The following BTD variants were observed in gnomAD, a reference collection of about 807,000 sequenced individuals.
BTD encodes biocytinase.
BTD carries 13 observed loss-of-function variants against 17.7 expected under a neutral mutation model. The ratio of observed to expected loss-of-function variants is 0.74; its 90% confidence interval spans 0.48 to 1.17. The LOEUF is 1.17. BTD is among the 50% of genes most tolerant of loss of function. The pLI, the probability that BTD is intolerant of heterozygous loss-of-function variation, is 0.00. For missense variants in BTD, 674 were observed against 650.4 expected, an observed-to-expected ratio of 1.04 and a Z score of -0.39; for synonymous variants, 240 against 245.2, an observed-to-expected ratio of 0.98 and a Z score of 0.20.
In BTD at chr3:15,611,805, AT is replaced by A. The variant is rs532509214; in HGVS notation, c.-17+9919del. Among the ~76,000 whole-genome samples, 801 of 151,402 alleles carry A rather than the reference AT, an allele frequency of 5.3e-3. 7 individuals carry two copies. Among genetic ancestry groups the A allele is most frequent in the Non-Finnish European group, 8.2e-3 (555 of 67,822 alleles). On this transcript the variant is annotated intron_variant, in intron 1 of 3. Transcript: ENST00000643237. ...AAAAAAAAGAAAAAACAAATAATGTATTTTTTTTCTAGGAAACTACTCGTCT... is the reference window on the plus strand; with the variant it reads ...AAAAAAAAGAAAAAACAAATAATGTATTTTTTTCTAGGAAACTACTCGTCT...
rs868088440 is a variant in BTD, at chr3:15,650,728, G to C, written c.*5240G>C. ...TGAACAACCTGGGCTCTTGCTTAGG[G>C]CACGTGCCCATCCTGAATCAATGAT... On this transcript the variant is annotated 3_prime_UTR_variant, in exon 4 of 4. Coordinates refer to ENST00000643237, the MANE Select transcript of BTD (RefSeq NM_001370658.1). Among the ~76,000 whole-genome samples, 1 of 152,186 alleles carries C rather than the reference G, an allele frequency of 6.6e-6. No individual in the cohort carries two copies. Among genetic ancestry groups the C allele is most frequent in the South Asian group, 2.1e-4 (1 of 4,832 alleles).
intron 3 of BTD, among the ~76,000 whole-genome samples, chr3:15,706,657 A>G (rs2071474805): frequency 6.6e-6 from 1 of 152,168 alleles, no homozygotes; most frequent in Non-Finnish European, 1.5e-5. Context: ...TCCTTGATGA[A>G]TCGCCACACT....
At position 15,650,754 on chromosome 3, in the gene BTD, C is replaced by T. The variant is rs1039606893; in HGVS notation, c.*5266C>T. Among the ~76,000 whole-genome samples, 3 of 152,168 alleles carry T rather than the reference C, an allele frequency of 2.0e-5. No individual in the cohort carries two copies. The highest frequency in any genetic ancestry group is 4.8e-5 in the African/African-American group (2 of 41,448). On this transcript the variant is annotated 3_prime_UTR_variant, in exon 4 of 4. Coordinates refer to ENST00000643237, the MANE Select transcript of BTD (RefSeq NM_001370658.1). ...CACGTGCCCATCCTGAATCAATGATCGGCCAGAGAGCTGTGATATTCTTTT... is the reference window on the plus strand; with the variant it reads ...CACGTGCCCATCCTGAATCAATGATTGGCCAGAGAGCTGTGATATTCTTTT...
intron 1 of BTD, among the ~76,000 whole-genome samples, chr3:15,629,386 C>T (rs1173130655): frequency 5.9e-5 from 9 of 152,204 alleles, no homozygotes; most frequent in African/African-American, 1.9e-4. Flanking sequence ...TCTGTGTGTT[C>T]AAGCCTTCAG....
At chr3:15,709,843 G>A (rs2071982120) in intron 3 of BTD, 2 of 627,258 alleles carry the variant, frequency 3.2e-6, no homozygotes, top group South Asian at 2.5e-5. Context: ...AGATAAATGT[G>A]ACAAAAATGA....
In BTD at chr3:15,601,821, C is replaced by G; in HGVS notation, c.-90C>G. ...TCGCCATTGTCTCCGAGTCGGCCAG[C>G]TGGAGCGTTTTCGGGGCTGTAAAGG... On this transcript the variant is annotated 5_prime_UTR_variant, in exon 1 of 4. Coordinates refer to ENST00000643237, the MANE Select transcript of BTD (RefSeq NM_001370658.1). The G allele has an allele frequency of 6.2e-7, 1 of 1,614,166 alleles. No homozygotes were observed. The highest frequency in any genetic ancestry group is 8.5e-7 in the Non-Finnish European group (1 of 1,180,030).
chr3:15,677,365 C>A (rs192639139), intron 3 of BTD: 2 of 717,762 alleles, frequency 2.8e-6, no homozygotes, highest in African/African-American at 1.8e-5. Context: ...AAATCTAATA[C>A]CAGTGATCAT....
rs1434159942 is a variant in BTD, at chr3:15,696,137, C to A, written c.400-13923C>A. The A allele has an allele frequency of 1.9e-6, 3 of 1,564,904 alleles. No individual in the cohort carries two copies. The South Asian group carries it at 3.5e-5, about 18-fold the overall frequency. On this transcript the variant is annotated intron_variant, in intron 3 of 3. Transcript: ENST00000672141. ...CACAAGAATTCAGGAATCTTACCAG[C>A]TGAAGACATAGACGGTGACCATAAG...
chr3:15,712,300 C>A, exon 4 of BTD: 1 of 1,176,336 alleles, frequency 8.5e-7, no homozygotes, highest in East Asian at 2.6e-5. Context: ...TACAAAGAGA[C>A]CACTTAAGTG....
At chr3:15,661,085 GTGAAACCCCGTCTCTAC>G (rs1237309882) in intron 3 of BTD, among the ~76,000 whole-genome samples, 1 of 151,690 alleles carries the variant, frequency 6.6e-6, no homozygotes, top group East Asian at 1.9e-4. Flanking sequence ...GGCCAACATG[GTGAAACCCCGTCTCTAC>G]TAAAAATACA....
chr3:15,706,055 C>T (rs1224126433), intron 3 of BTD, among the ~76,000 whole-genome samples: 1 of 151,848 alleles, frequency 6.6e-6, no homozygotes. Context: ...AACAAAAAAC[C>T]CCTAGAATTT....
At chr3:15,711,935 ATC>A (rs896390786) in exon 4 of BTD, among the ~76,000 whole-genome samples, 1 of 151,796 alleles carries the variant, frequency 6.6e-6, no homozygotes, top group African/African-American at 2.4e-5. Flanking sequence ...ACCTCAAGTG[ATC>A]TGCCTGTCTC....
At chr3:15,671,384 AATAGT>A (rs2066330923) in intron 3 of BTD, among the ~76,000 whole-genome samples, 1 of 152,138 alleles carries the variant, frequency 6.6e-6, no homozygotes, top group African/African-American at 2.4e-5. Context: ...ATGGAACTTT[AATAGT>A]TTTATCACAT....
intron 3 of BTD, among the ~76,000 whole-genome samples, chr3:15,673,028 GT>G (rs55682499): frequency 1 from 152,386 of 152,386 alleles, 76,193 homozygotes; most frequent in Non-Finnish European, 1. Context: ...CACTCGCCTT[GT>G]GCCTCCCAAA....
intron 3 of BTD, among the ~76,000 whole-genome samples, chr3:15,698,858 A>G (rs1296335358): frequency 2.0e-5 from 3 of 152,200 alleles, no homozygotes; most frequent in African/African-American, 7.2e-5. Context: ...TCAAGCTACC[A>G]ATGACTTTCT....
intron 3 of BTD, among the ~76,000 whole-genome samples, chr3:15,665,142 G>A (rs2065964324): frequency 6.6e-6 from 1 of 152,274 alleles, no homozygotes; most frequent in African/African-American, 2.4e-5. Context: ...CAACCACAAG[G>A]AAATGAGAAG....
Position 15,653,052 on chromosome 3 carries a change from A to C in BTD, c.*7564A>C, listed in dbSNP as rs546315579. ...CTGCCCGCAGAATTTTGTCTAATCC[A>C]CCCCAGACAGAGTTATCCAACAGCC... On this transcript the variant is annotated 3_prime_UTR_variant, in exon 4 of 4. Coordinates refer to ENST00000643237, the MANE Select transcript of BTD (RefSeq NM_001370658.1). 8.7e-4 allele frequency among the ~76,000 whole-genome samples: 132 copies of C among 152,280 alleles called. 1 individual carries two copies. The highest frequency in any genetic ancestry group is 1.3e-3 in the Non-Finnish European group (87 of 68,022).
intron 3 of BTD, among the ~76,000 whole-genome samples, chr3:15,692,971 C>T (rs1196901725): frequency 1.3e-5 from 2 of 151,976 alleles, no homozygotes; most frequent in Non-Finnish European, 2.9e-5. Flanking sequence ...ATGGATGAAA[C>T]CTGCTAGATG....
At chr3:15,617,267 T>A (rs2125379660) in intron 1 of BTD, among the ~76,000 whole-genome samples, 1 of 152,396 alleles carries the variant, frequency 6.6e-6, no homozygotes, top group African/African-American at 2.4e-5. Context: ...CTTATCTTCT[T>A]CTGTTCTTGA....
Sources: gnomAD v4.1 joint callset for allele counts (sites outside exome capture counted in the v4.1 genomes callset) on GRCh38, gnomAD v4.1.1 for gene constraint, MANE v1.5 for transcripts, NCBI Gene and HGNC (gene_info 2026-07-23, HGNC 2026-07-21) for gene names.